Variants in ASIC2 observed in about 807,000 individuals in gnomAD.
The protein encoded by ASIC2 is acid-sensing ion channel 2.
ASIC2 carries 25 observed loss-of-function variants against 57.3 expected under a neutral mutation model. That is an observed-to-expected ratio of 0.44 (90% confidence interval 0.32 to 0.61). ASIC2 has a LOEUF of 0.61. ASIC2 is among the 20% of genes least tolerant of loss of function. ASIC2 has a pLI of 0.06. For missense variants in ASIC2, 641 were observed against 738.1 expected, an observed-to-expected ratio of 0.87 and a Z score of 1.52; for synonymous variants, 319 against 307.5, an observed-to-expected ratio of 1.04 and a Z score of -0.39.
chr17:33,418,143 T>C (rs4795781), intron 1 of ASIC2, among the ~76,000 whole-genome samples: 23,455 of 151,608 alleles, frequency 0.15, 2,400 homozygotes, highest in East Asian at 0.54. Context: ...AAGATATTCT[T>C]GTTTATCTTG....
chr17:33,641,028 A>T (rs1906547231), intron 1 of ASIC2, among the ~76,000 whole-genome samples: 1 of 152,194 alleles, frequency 6.6e-6, no homozygotes, highest in African/African-American at 2.4e-5. Context: ...GGTCTTCTTT[A>T]GGCCACGGAG....
chr17:33,619,991 T>C (rs1274403176), intron 1 of ASIC2, among the ~76,000 whole-genome samples: 2 of 152,184 alleles, frequency 1.3e-5, no homozygotes, highest in Non-Finnish European at 2.9e-5. Flanking sequence ...GATTGTTATG[T>C]GACTTTATTG....
At chr17:33,971,010 G>A (rs184887294) in intron 1 of ASIC2, among the ~76,000 whole-genome samples, 38 of 152,280 alleles carry the variant, frequency 2.5e-4, no homozygotes, top group Admixed American at 7.8e-4. Flanking sequence ...AAACTTGGGC[G>A]TAACAGGGTT....
At chr17:33,548,237 A>T (rs1312369198) in intron 1 of ASIC2, among the ~76,000 whole-genome samples, 3 of 152,254 alleles carry the variant, frequency 2.0e-5, no homozygotes, top group African/African-American at 7.2e-5. Context: ...TCATTGGATT[A>T]TTAAAAGGAT....
chr17:33,772,948 G>A (rs1044232370), intron 1 of ASIC2, among the ~76,000 whole-genome samples: 5 of 152,184 alleles, frequency 3.3e-5, no homozygotes, highest in East Asian at 1.9e-4. Flanking sequence ...ATAAGGCATG[G>A]AAAAGTGTTT....
rs570257035 is a variant in ASIC2 at position 33,931,467 on chromosome 17, C to T, written c.555+224511G>A. 4 of 152,316 alleles carry T rather than the reference C, an allele frequency of 2.6e-5. No individual in the cohort carries two copies. The South Asian group carries it at 6.2e-4, about 24-fold the overall frequency. The allele number at this position is 152,316 out of a possible 1,614,324, so 9.4% of individuals were successfully genotyped here. ...CCGGGCTGTCTGACTACTGATTTCA[C>T]TTCTGTCTTTTCTTTAACTCCTACT... On this transcript the variant is annotated intron_variant, in intron 1 of 9. Transcript: ENST00000359872.
At chr17:33,301,386 C>A (rs959930161) in intron 1 of ASIC2, among the ~76,000 whole-genome samples, 1 of 152,188 alleles carries the variant, frequency 6.6e-6, no homozygotes, top group Non-Finnish European at 1.5e-5. Flanking sequence ...GAAGTATGTC[C>A]CACCATTATA....
Position 33,292,045 on chromosome 17 carries a change from C to T in ASIC2, c.71G>A (p.Arg24His). 1.8e-6 allele frequency: 2 copies of T among 1,138,634 alleles called. No homozygotes were observed. The highest frequency in any genetic ancestry group is 4.2e-5 in the South Asian group (1 of 23,834). 70.5% of individuals were successfully genotyped at this position (1,138,634 alleles called of 1,614,324 possible). A position where few individuals can be genotyped will look rare whatever the true frequency, so the allele number is the denominator to read the frequency against. ...CAACGCCGCGGGCGCCGGCTCCTCG[C>T]GGGCCATGCGGAAGCGTCCCGGGCC... ...LTGPGRFRMA[R>H]EEPAPAALAA... The change falls in exon 1 of 10, where the codon CGC becomes CAC. Residue 24 changes from arginine (R) to histidine (H), a missense_variant. Physicochemically the swap from Arg to His is conservative, Grantham distance 29 (BLOSUM62 0). Around this residue, in one of 3 missense-constraint regions of ASIC2, gnomAD observed 382 missense variants for 398.0 expected, o/e 0.96. Coordinates refer to ENST00000225823, the MANE Select transcript of ASIC2 (RefSeq NM_183377.2).
At chr17:33,188,858 A>G (rs1006515488) in intron 1 of ASIC2, among the ~76,000 whole-genome samples, 9 of 152,204 alleles carry the variant, frequency 5.9e-5, no homozygotes, top group African/African-American at 2.2e-4. Context: ...TTGAATTTAC[A>G]TAAGGAATAT....
At chr17:33,285,895 T>A (rs1273052990) in intron 1 of ASIC2, among the ~76,000 whole-genome samples, 4 of 152,206 alleles carry the variant, frequency 2.6e-5, no homozygotes, top group Non-Finnish European at 5.9e-5. Context: ...CCCAATGCTA[T>A]TTGCCTTTGT....
At chr17:33,686,817 A>C (rs1908208983) in intron 1 of ASIC2, among the ~76,000 whole-genome samples, 1 of 152,162 alleles carries the variant, frequency 6.6e-6, no homozygotes, top group African/African-American at 2.4e-5. Context: ...TCTGTGAATT[A>C]GGCTTGGGCA....
At chr17:33,847,604 T>C (rs934032578) in intron 1 of ASIC2, among the ~76,000 whole-genome samples, 5 of 152,168 alleles carry the variant, frequency 3.3e-5, no homozygotes, top group Non-Finnish European at 5.9e-5. Flanking sequence ...CAGCTTGCAA[T>C]AGTATATGGG....
intron 1 of ASIC2, among the ~76,000 whole-genome samples, chr17:33,862,920 C>T (rs534374110): frequency 6.6e-6 from 1 of 152,224 alleles, no homozygotes; most frequent in African/African-American, 2.4e-5. Flanking sequence ...GAAGACTGCC[C>T]CCAGCTCTCA....
At chr17:33,116,572 T>C (rs914595092) in intron 1 of ASIC2, among the ~76,000 whole-genome samples, 32 of 152,146 alleles carry the variant, frequency 2.1e-4, no homozygotes, top group African/African-American at 5.5e-4. Flanking sequence ...TTAGTTGGAT[T>C]GGTCTGTAAG....
intron 1 of ASIC2, among the ~76,000 whole-genome samples, chr17:33,344,119 T>C (rs573602105): frequency 4.6e-5 from 7 of 152,284 alleles, no homozygotes; most frequent in Admixed American, 1.3e-4. Context: ...CCCCAGCAGA[T>C]AATTGGTTAG....
intron 1 of ASIC2, among the ~76,000 whole-genome samples, chr17:33,398,790 G>C (rs943231302): frequency 6.6e-6 from 1 of 152,182 alleles, no homozygotes; most frequent in African/African-American, 2.4e-5. Flanking sequence ...TTAAAGTGAT[G>C]AAGTGACTTG....
At chr17:33,302,110 A>G (rs984707506) in intron 1 of ASIC2, among the ~76,000 whole-genome samples, 2 of 152,196 alleles carry the variant, frequency 1.3e-5, no homozygotes, top group African/African-American at 4.8e-5. Context: ...TCCCTTGCCT[A>G]TCATTGCTTT....
intron 1 of ASIC2, among the ~76,000 whole-genome samples, chr17:33,318,572 A>G (rs1228187084): frequency 6.6e-6 from 1 of 152,210 alleles, no homozygotes; most frequent in Non-Finnish European, 1.5e-5. Context: ...CCCACTGAGC[A>G]ACAGGTTTTG....
Position 33,081,766 on chromosome 17 carries a change from G to A in ASIC2, c.987+7097C>T, listed in dbSNP as rs186833123. On this transcript the variant is annotated intron_variant, in intron 3 of 9. Coordinates refer to ENST00000225823, the MANE Select transcript of ASIC2 (RefSeq NM_183377.2). ...AGCTGCTGGGCCTTTTTATTTAGGGGTGGGGTGAGGGATACTGTTTCTTCT... is the reference window on the plus strand; with the variant it reads ...AGCTGCTGGGCCTTTTTATTTAGGGATGGGGTGAGGGATACTGTTTCTTCT... Among the ~76,000 whole-genome samples, 504 of 152,318 alleles carry A rather than the reference G, an allele frequency of 3.3e-3. 2 individuals carry two copies. The highest frequency in any genetic ancestry group is 0.011 in the African/African-American group (471 of 41,584).
Sources: allele counts gnomAD v4.1 joint callset (sites outside exome capture counted in the v4.1 genomes callset), GRCh38; gene constraint gnomAD v4.1.1; regional missense constraint gnomAD v4.1.1; transcripts MANE v1.5; gene names NCBI Gene and HGNC (gene_info 2026-07-23, HGNC 2026-07-21).